The following ZNF398 variants were observed in gnomAD, a reference collection of about 807,000 sequenced individuals.
ZNF398 encodes zinc finger DNA binding protein ZER6.
ZNF398 carries 18 observed loss-of-function variants against 41.9 expected under a neutral mutation model. That is an observed-to-expected ratio of 0.43 (90% CI 0.30 to 0.64). ZNF398 has a LOEUF of 0.64. Among genes scored for constraint, ZNF398 ranks in the 30% least tolerant of loss-of-function variants. The pLI, the probability that ZNF398 is intolerant of heterozygous loss-of-function variation, is 0.14. For synonymous variants in ZNF398, 260 were observed against 308.8 expected, an observed-to-expected ratio of 0.84 and a Z score of 1.66; for missense variants, 669 against 822.8, an observed-to-expected ratio of 0.81 and a Z score of 2.29.
intron 2 of ZNF398, among the ~76,000 whole-genome samples, chr7:149,162,874 A>G (rs1795139941): frequency 7.1e-6 from 1 of 140,354 alleles, no homozygotes. Context: ...CCTGGCCAAC[A>G]TGGCAAACCC....
At chr7:149,133,463 C>G (rs1344889011) in intron 2 of ZNF398, among the ~76,000 whole-genome samples, 1 of 150,726 alleles carries the variant, frequency 6.6e-6, no homozygotes, top group Non-Finnish European at 1.5e-5. Flanking sequence ...CCTATCTCTT[C>G]CTGTGATTTA....
rs2129519960 is a variant in ZNF398, at chr7:149,147,682, C to CGCGGTGGCA, written c.-56_-48dup. The CGCGGTGGCA allele has an allele frequency of 5.5e-6, 7 of 1,273,086 alleles. No individual in the cohort carries two copies. The highest frequency in any genetic ancestry group is 2.6e-5 in the South Asian group (1 of 37,848). 78.9% of individuals were successfully genotyped at this position (1,273,086 alleles called of 1,614,324 possible). On this transcript the variant is annotated 5_prime_UTR_variant, in exon 1 of 6. Transcript: ENST00000475153. This position sits in a 1 kb window ranked among gnomAD's most constrained non-coding sequence, Gnocchi z 5.6. Reference sequence around the variant, plus strand: ...GCGGCCGGGCCTGCTTGGAGCCGGGCGCGGTGGCAGCGGCGGCAGCGGCGG... The same window carrying CGCGGTGGCA: ...GCGGCCGGGCCTGCTTGGAGCCGGGCGCGGTGGCAGCGGTGGCAGCGGCGGCAGCGGCGG...
rs1795620616 is a variant in ZNF398 at position 149,182,735 on chromosome 7, G to A, written c.*2934G>A. 1 of 152,178 alleles carries A rather than the reference G, an allele frequency of 6.6e-6. No homozygotes were observed. Among genetic ancestry groups the A allele is most frequent in the Non-Finnish European group, 1.5e-5 (1 of 68,040 alleles). 9.4% of individuals were successfully genotyped at this position (152,178 alleles called of 1,614,324 possible). On this transcript the variant is annotated 3_prime_UTR_variant, in exon 6 of 6. Transcript: ENST00000475153. ...ACTAGGTTTTCCATTGTCACCATTGGATGAACCTCTGGTTTAGCCACAGTT... is the reference window on the plus strand; with the variant it reads ...ACTAGGTTTTCCATTGTCACCATTGAATGAACCTCTGGTTTAGCCACAGTT...
chr7:149,165,306 T>C (rs954373086), intron 2 of ZNF398, among the ~76,000 whole-genome samples: 3 of 152,006 alleles, frequency 2.0e-5, no homozygotes, highest in Admixed American at 6.6e-5. Flanking sequence ...CAAAAAGACA[T>C]TGGAAAAAGA....
intron 2 of ZNF398, 129 bp from the exon 3 acceptor site, chr7:149,166,029 G>C (rs1240257169): frequency 9.5e-7 from 1 of 1,056,778 alleles, no homozygotes. Context: ...AACCATTTCA[G>C]AGATATTTAG....
intron 2 of ZNF398, among the ~76,000 whole-genome samples, chr7:149,158,828 C>T (rs550793840): frequency 2.9e-5 from 3 of 103,186 alleles, no homozygotes; most frequent in East Asian, 4.5e-4. Context: ...AGCGAAACAC[C>T]GTTTCAAAAA....
chr7:149,144,700 T>A (rs997233774), upstream of ZNF398, among the ~76,000 whole-genome samples: 1 of 152,090 alleles, frequency 6.6e-6, no homozygotes, highest in Non-Finnish European at 1.5e-5. Flanking sequence ...GTGATTCTCC[T>A]ACCTCAGCCT....
chr7:149,180,873 T>C lies in ZNF398; in HGVS notation c.*1072T>C, dbSNP rs1167264057. 1 of 152,226 alleles carries C rather than the reference T, an allele frequency of 6.6e-6. No individual in the cohort carries two copies. The highest frequency in any genetic ancestry group is 1.5e-5 in the Non-Finnish European group (1 of 68,038). 9.4% of individuals were successfully genotyped at this position (152,226 alleles called of 1,614,324 possible). ...GTTATAATGCAGCTTCCTTGAGCCA[T>C]CAGAGAGAGTGTATGTTCACCCTAT... On this transcript the variant is annotated 3_prime_UTR_variant, in exon 6 of 6. Coordinates refer to ENST00000475153, the MANE Select transcript of ZNF398 (RefSeq NM_170686.3).
intron 2 of ZNF398, among the ~76,000 whole-genome samples, chr7:149,156,193 G>A (rs1036384875): frequency 1.3e-5 from 2 of 151,930 alleles, no homozygotes; most frequent in Admixed American, 1.3e-4. Context: ...ATGTTTGGTG[G>A]TAGAACTGAC....
intron 2 of ZNF398, among the ~76,000 whole-genome samples, chr7:149,129,869 C>G (rs2129519080): frequency 6.6e-6 from 1 of 151,640 alleles, no homozygotes; most frequent in South Asian, 2.1e-4. Context: ...GGAGTAATCT[C>G]AGCTCACCGC....
intron 1 of ZNF398, chr7:149,148,592 A>T: frequency 3.5e-6 from 2 of 569,668 alleles, no homozygotes; most frequent in Non-Finnish European, 4.4e-6. Context: ...GGTAGAGCAG[A>T]GGGAAGTGCC....
intron 4 of ZNF398, 70 bp from the exon 5 acceptor site, chr7:149,176,398 A>G (rs1795461144): frequency 9.3e-7 from 1 of 1,077,764 alleles, no homozygotes; most frequent in Non-Finnish European, 1.4e-6. Context: ...GTGTTCAGCA[A>G]ACCAACTTGA....
In ZNF398 at chr7:149,154,347, C is replaced by T. The variant is rs200851634; in HGVS notation, c.420+7C>T. ...TAAGGGAGATATCCCAAAGGTAATA[C>T]CTTCATTTCTAGATGTAAAGTGGTA... On this transcript the variant is annotated splice_region_variant and intron_variant, in intron 2 of 5. Coordinates refer to ENST00000475153, the MANE Select transcript of ZNF398 (RefSeq NM_170686.3). 74 of 1,594,982 alleles carry T rather than the reference C, an allele frequency of 4.6e-5. No individual in the cohort carries two copies. The African/African-American group carries it at 5.4e-4, about 12-fold the overall frequency.
Position 149,178,333 on chromosome 7 carries a change from A to G in ZNF398, c.776-315A>G, listed in dbSNP as rs141325753. On this transcript the variant is annotated intron_variant, in intron 5 of 5. Transcript: ENST00000475153. ...CTGAGCACGGTAGTGCATGCCTGTA[A>G]TCCCAGCTACTCAGGAGGCTAAGGC... Among the ~76,000 whole-genome samples the G allele has an allele frequency of 8.7e-3, 1,330 of 152,194 alleles. 8 individuals carry two copies. Among genetic ancestry groups the G allele is most frequent in the African/African-American group, 0.015 (640 of 41,536 alleles).
At chr7:149,175,642 C>A (rs977805076) in intron 4 of ZNF398, among the ~76,000 whole-genome samples, 1 of 152,184 alleles carries the variant, frequency 6.6e-6, no homozygotes, top group African/African-American at 2.4e-5. Context: ...TGTGTCTATA[C>A]TGAACTAACT....
At chr7:149,127,521 G>A (rs1026638427) in intron 1 of ZNF398, among the ~76,000 whole-genome samples, 2 of 127,070 alleles carry the variant, frequency 1.6e-5, no homozygotes, top group African/African-American at 5.6e-5. Context: ...CCTGGCTAAC[G>A]GCGAAACCCC....
chr7:149,142,541 C>T (rs903323393), upstream of ZNF398, among the ~76,000 whole-genome samples: 1 of 152,178 alleles, frequency 6.6e-6, no homozygotes, highest in Admixed American at 6.6e-5. Flanking sequence ...GTGGCAGGCA[C>T]CTGTAGTCCC....
upstream of ZNF398, among the ~76,000 whole-genome samples, chr7:149,142,641 T>G (rs1826851898): frequency 6.6e-6 from 1 of 152,210 alleles, no homozygotes; most frequent in South Asian, 2.1e-4. Context: ...CACTCCAGCC[T>G]GGGCAACAGA....
At chr7:149,142,523 C>T (rs548983002), upstream of ZNF398, among the ~76,000 whole-genome samples, 4 of 152,208 alleles carry the variant, frequency 2.6e-5, no homozygotes, top group Admixed American at 2.0e-4. Flanking sequence ...AAAAATTAGC[C>T]GGGCGTGGTG....
Sources: allele counts gnomAD v4.1 joint callset (sites outside exome capture counted in the v4.1 genomes callset), GRCh38; gene constraint gnomAD v4.1.1; non-coding constraint Gnocchi (gnomAD v3.1); transcripts MANE v1.5; gene names NCBI Gene and HGNC (gene_info 2026-07-23, HGNC 2026-07-21).